CTNNA2: variants seen among roughly 807,000 people sequenced by gnomAD.
CTNNA2 encodes the protein catenin alpha 2.
A neutral mutation model predicts 101.0 loss-of-function variants in CTNNA2; 42 were observed. That is an observed-to-expected ratio of 0.42 (90% CI 0.32 to 0.54). The LOEUF (loss-of-function observed/expected upper bound fraction) is 0.54, where lower values mean the gene tolerates loss of function less well. CTNNA2 is among the 20% of genes least tolerant of loss of function. The pLI is 0.14. For missense variants in CTNNA2, 871 were observed against 1,223.1 expected (o/e 0.71, Z 4.29); for synonymous variants, 450 against 456.4 (o/e 0.99, Z 0.18).
intron 7 of CTNNA2, among the ~76,000 whole-genome samples, chr2:80,170,603 C>T (rs1207419925): frequency 6.6e-6 from 1 of 152,082 alleles, no homozygotes; most frequent in African/African-American, 2.4e-5. Context: ...TGTTCAATAC[C>T]CTTTCCTGGG....
At chr2:80,531,640 C>G (rs545146249) in intron 9 of CTNNA2, among the ~76,000 whole-genome samples, 2 of 152,158 alleles carry the variant, frequency 1.3e-5, no homozygotes, top group Non-Finnish European at 2.9e-5. Context: ...CTGCTCCATG[C>G]CTATCTCCTC....
chr2:80,372,886 G>C (rs1293010912), intron 7 of CTNNA2, among the ~76,000 whole-genome samples: 2 of 152,104 alleles, frequency 1.3e-5, no homozygotes, highest in African/African-American at 2.4e-5. Context: ...TGCCATAACT[G>C]GGGGAAAAAT....
chr2:79,614,167 A>G (rs967705362), intron 1 of CTNNA2, among the ~76,000 whole-genome samples: 6 of 152,226 alleles, frequency 3.9e-5, no homozygotes, highest in African/African-American at 1.4e-4. Context: ...ATAAAAAATG[A>G]ACTCAACATT....
intron 2 of CTNNA2, among the ~76,000 whole-genome samples, chr2:79,726,763 A>G (rs1227719135): frequency 3.3e-5 from 5 of 152,202 alleles, no homozygotes; most frequent in Non-Finnish European, 7.3e-5. Context: ...AATATTTTAA[A>G]ATGGGGTAGA....
Position 79,805,036 on chromosome 2 carries a change from G to A in CTNNA2, c.299-52977G>A, listed in dbSNP as rs116247316. Among the ~76,000 whole-genome samples the A allele has an allele frequency of 2.4e-3, 368 of 152,228 alleles. 2 individuals carry two copies. Among genetic ancestry groups the A allele is most frequent in the African/African-American group, 8.5e-3 (351 of 41,538 alleles). On this transcript the variant is annotated intron_variant, in intron 3 of 18. Transcript: ENST00000402739. ...GGGTTGTATATAGGAAGGCTTGTGG[G>A]AAGTGCATTATTAATTGAACATCAA... is the stretch of plus-strand genomic sequence containing the variant.
intron 2 of CTNNA2, among the ~76,000 whole-genome samples, chr2:79,242,012 TCTC>T (rs1674632832): frequency 6.6e-6 from 1 of 151,978 alleles, no homozygotes. Context: ...TTCACGCCAT[TCTC>T]CTGCCTCAGC....
intron 9 of CTNNA2, among the ~76,000 whole-genome samples, chr2:80,484,851 A>C (rs1212964605): frequency 6.6e-6 from 1 of 152,016 alleles, no homozygotes; most frequent in Non-Finnish European, 1.5e-5. Flanking sequence ...CTGAAAATAC[A>C]AAAAATTAGC....
chr2:79,833,338 C>G (rs1679070409), intron 3 of CTNNA2, among the ~76,000 whole-genome samples: 1 of 152,140 alleles, frequency 6.6e-6, no homozygotes, highest in Non-Finnish European at 1.5e-5. Context: ...AGGAGTTAGC[C>G]TAAGAACTCA....
At chr2:80,280,890 G>A (rs1288692381) in intron 7 of CTNNA2, among the ~76,000 whole-genome samples, 1 of 152,024 alleles carries the variant, frequency 6.6e-6, no homozygotes, top group East Asian at 1.9e-4. Flanking sequence ...TATTGTTTCG[G>A]GCATCTACTG....
intron 8 of CTNNA2, among the ~76,000 whole-genome samples, chr2:80,413,695 G>C (rs1302152998): frequency 6.6e-6 from 1 of 152,194 alleles, no homozygotes; most frequent in Admixed American, 6.5e-5. Context: ...TCCTGGCTCA[G>C]TCACTTTGTT....
chr2:79,771,733 G>A (rs943328801), intron 3 of CTNNA2, among the ~76,000 whole-genome samples: 2 of 152,194 alleles, frequency 1.3e-5, no homozygotes, highest in Non-Finnish European at 2.9e-5. Flanking sequence ...AAATACAGAT[G>A]AAGCTTGGCT....
At chr2:79,288,839 G>A (rs967016933) in intron 2 of CTNNA2, among the ~76,000 whole-genome samples, 1 of 152,148 alleles carries the variant, frequency 6.6e-6, no homozygotes, top group East Asian at 1.9e-4. Context: ...TTCAGTGGGG[G>A]AACTTTCAAA....
intron 4 of CTNNA2, among the ~76,000 whole-genome samples, chr2:79,429,839 T>A (rs2104509154): frequency 6.6e-6 from 1 of 152,270 alleles, no homozygotes; most frequent in South Asian, 2.1e-4. Context: ...TATGTGAGGT[T>A]CCAGGAGGCT....
At chr2:79,312,211 T>C (rs570967300) in intron 2 of CTNNA2, among the ~76,000 whole-genome samples, 22 of 152,320 alleles carry the variant, frequency 1.4e-4, no homozygotes, top group African/African-American at 5.1e-4. Flanking sequence ...GCCTGACCTT[T>C]ACCCAGGCAT....
intron 7 of CTNNA2, among the ~76,000 whole-genome samples, chr2:80,114,720 T>C (rs906526221): frequency 6.6e-6 from 1 of 152,196 alleles, no homozygotes; most frequent in Non-Finnish European, 1.5e-5. Context: ...GAATTGCATT[T>C]TCTAACCTAC....
intron 7 of CTNNA2, among the ~76,000 whole-genome samples, chr2:80,078,912 A>G (rs1400967077): frequency 6.6e-6 from 1 of 152,124 alleles, no homozygotes; most frequent in Non-Finnish European, 1.5e-5. Flanking sequence ...TTTAGGTTTT[A>G]GAAGAAACAG....
At chr2:79,705,110 A>G (rs1402853394) in intron 2 of CTNNA2, among the ~76,000 whole-genome samples, 5 of 152,092 alleles carry the variant, frequency 3.3e-5, no homozygotes, top group Admixed American at 2.0e-4. Flanking sequence ...TAAACATCCT[A>G]TCATGCGCTG....
At chr2:79,631,677 G>C (rs1170080887) in intron 1 of CTNNA2, among the ~76,000 whole-genome samples, 2 of 152,154 alleles carry the variant, frequency 1.3e-5, no homozygotes, top group Admixed American at 6.5e-5. Flanking sequence ...ACGAAGTTTA[G>C]AGCACCCAGT....
At chr2:79,350,598 C>T (rs901702663) in intron 3 of CTNNA2, among the ~76,000 whole-genome samples, 3 of 152,092 alleles carry the variant, frequency 2.0e-5, no homozygotes, top group Non-Finnish European at 4.4e-5. Flanking sequence ...GATCAACATA[C>T]AAGCACAGGA....
Sources: allele counts gnomAD v4.1 joint callset (sites outside exome capture counted in the v4.1 genomes callset), GRCh38; gene constraint gnomAD v4.1.1; transcripts MANE v1.5; gene names NCBI Gene and HGNC (gene_info 2026-07-23, HGNC 2026-07-21).